DPP10: variants seen among roughly 807,000 people sequenced by gnomAD.
The protein encoded by DPP10 is dipeptidyl peptidase like 10, also known as inactive dipeptidyl peptidase 10.
DPP10 carries 33 observed loss-of-function variants against 120.9 expected under a neutral mutation model. That is an observed-to-expected ratio of 0.27 (90% CI 0.21 to 0.37). DPP10 has a LOEUF of 0.37. Among genes scored for constraint, DPP10 ranks in the 10% least tolerant of loss-of-function variants. DPP10 has a pLI of 1.00. For synonymous variants in DPP10, 337 were observed against 326.1 expected (o/e 1.03, Z -0.36); for missense variants, 816 against 942.8 (o/e 0.87, Z 1.76).
At chr2:114,864,377 A>G (rs573405067) in intron 1 of DPP10, among the ~76,000 whole-genome samples, 5 of 152,330 alleles carry the variant, frequency 3.3e-5, no homozygotes, top group East Asian at 1.9e-4. Flanking sequence ...CCTGAAGACT[A>G]TGAATGGAGA....
intron 1 of DPP10, among the ~76,000 whole-genome samples, chr2:115,166,714 T>C (rs1363163618): frequency 6.6e-6 from 1 of 151,614 alleles, no homozygotes; most frequent in Non-Finnish European, 1.5e-5. Context: ...GATTAAATTA[T>C]ATAAAACAAC....
chr2:115,842,047 A>G (rs970717439), intron 25 of DPP10, among the ~76,000 whole-genome samples, 164 bp from the exon 26 acceptor site: 2 of 152,196 alleles, frequency 1.3e-5, no homozygotes, highest in African/African-American at 4.8e-5. Context: ...ACATGATTAC[A>G]ATTGTTTTAA....
At chr2:115,788,920 C>T (rs1221083881) in intron 17 of DPP10, among the ~76,000 whole-genome samples, 6 of 151,984 alleles carry the variant, frequency 3.9e-5, no homozygotes, top group Admixed American at 3.3e-4. Context: ...AGATCGAGAC[C>T]ATCCTGGCTA....
At chr2:115,022,646 A>T (rs1385121628) in intron 1 of DPP10, among the ~76,000 whole-genome samples, 1 of 152,082 alleles carries the variant, frequency 6.6e-6, no homozygotes, top group Non-Finnish European at 1.5e-5. Context: ...ACTAGAAAAA[A>T]CAACCCTAAA....
chr2:115,361,775 A>C (rs1417305744), intron 3 of DPP10, among the ~76,000 whole-genome samples: 1 of 150,580 alleles, frequency 6.6e-6, no homozygotes, highest in East Asian at 2.0e-4. Context: ...CTCCCTCTTC[A>C]TCCTCAGTGT....
chr2:115,480,057 G>A (rs1035557444), intron 3 of DPP10, among the ~76,000 whole-genome samples: 6 of 152,072 alleles, frequency 3.9e-5, no homozygotes, highest in African/African-American at 1.4e-4. Flanking sequence ...CCATAACCAG[G>A]TCGGGTGTGT....
intron 1 of DPP10, among the ~76,000 whole-genome samples, chr2:115,177,712 A>G (rs1311268091): frequency 6.6e-6 from 1 of 152,172 alleles, no homozygotes; most frequent in African/African-American, 2.4e-5. Flanking sequence ...GTTAGCAGAC[A>G]TGTTTATTTT....
intron 7 of DPP10, among the ~76,000 whole-genome samples, chr2:115,694,582 T>C (rs1399426769): frequency 6.6e-6 from 1 of 152,190 alleles, no homozygotes; most frequent in Non-Finnish European, 1.5e-5. Flanking sequence ...ACTTTAGCTG[T>C]AATAAAGTTT....
intron 1 of DPP10, among the ~76,000 whole-genome samples, chr2:115,173,403 TAAC>T (rs932380346): frequency 6.6e-6 from 1 of 152,268 alleles, no homozygotes; most frequent in Admixed American, 6.5e-5. Context: ...ATGTGCAGCA[TAAC>T]AAGCCCATAA....
intron 1 of DPP10, among the ~76,000 whole-genome samples, chr2:114,710,933 G>T (rs1412693915): frequency 6.6e-6 from 1 of 152,076 alleles, no homozygotes; most frequent in Non-Finnish European, 1.5e-5. Context: ...CAACAGCAGG[G>T]GTTAGGATTT....
rs563718348 is a variant in DPP10 at position 115,663,074 on chromosome 2, C to T, written c.442-26613C>T. On this transcript the variant is annotated intron_variant, in intron 5 of 25. Coordinates refer to ENST00000410059, the MANE Select transcript of DPP10 (RefSeq NM_020868.6). ...GGCACATGAGATGTTTTGATACAAG[C>T]ATGCGGTGTGAAATAAGCACATCAT... is the stretch of plus-strand genomic sequence containing the variant. Among the ~76,000 whole-genome samples, 68 of 152,040 alleles carry T rather than the reference C, an allele frequency of 4.5e-4. 2 individuals carry two copies. The highest frequency in any genetic ancestry group is 9.3e-4 in the Non-Finnish European group (63 of 68,000).
intron 5 of DPP10, among the ~76,000 whole-genome samples, chr2:115,686,496 T>A (rs2090996428): frequency 6.6e-6 from 1 of 152,082 alleles, no homozygotes; most frequent in African/African-American, 2.4e-5. Flanking sequence ...CAGTAGTTGC[T>A]AATTCAGTGT....
At chr2:115,453,927 T>C (rs1272254542) in intron 3 of DPP10, among the ~76,000 whole-genome samples, 2 of 151,372 alleles carry the variant, frequency 1.3e-5, no homozygotes, top group African/African-American at 4.8e-5. Context: ...ATTAGGACCC[T>C]AAAGACATTT....
chr2:115,572,980 T>G (rs1316414215), intron 5 of DPP10, among the ~76,000 whole-genome samples: 1 of 152,180 alleles, frequency 6.6e-6, no homozygotes, highest in Non-Finnish European at 1.5e-5. Flanking sequence ...TGCTTATTGC[T>G]TCAGCTGTTT....
chr2:115,214,741 A>T (rs984750883), intron 1 of DPP10, among the ~76,000 whole-genome samples: 2 of 152,184 alleles, frequency 1.3e-5, no homozygotes, highest in African/African-American at 2.4e-5. Flanking sequence ...TAAGGAATGT[A>T]AAAGTTAGCC....
At chr2:114,738,832 C>T (rs1049705914) in intron 1 of DPP10, among the ~76,000 whole-genome samples, 1 of 152,130 alleles carries the variant, frequency 6.6e-6, no homozygotes, top group African/African-American at 2.4e-5. Context: ...TGGTAATTGT[C>T]CTGGAATCCT....
intron 3 of DPP10, among the ~76,000 whole-genome samples, chr2:115,382,353 A>T (rs539515178): frequency 6.6e-6 from 1 of 152,170 alleles, no homozygotes; most frequent in Non-Finnish European, 1.5e-5. Context: ...TTCTTTGACT[A>T]GGAAAGGGAA....
At chr2:114,904,625 A>G (rs1027480437) in intron 1 of DPP10, among the ~76,000 whole-genome samples, 1 of 152,244 alleles carries the variant, frequency 6.6e-6, no homozygotes, top group African/African-American at 2.4e-5. Flanking sequence ...GTGTGACTGG[A>G]CTATCACTTG....
chr2:115,636,111 A>G (rs543490254), intron 5 of DPP10, among the ~76,000 whole-genome samples: 2 of 151,688 alleles, frequency 1.3e-5, no homozygotes, highest in South Asian at 4.2e-4. Context: ...GTTTTGTGGT[A>G]TTCTTACCAA....
Sources: allele counts gnomAD v4.1 joint callset (sites outside exome capture counted in the v4.1 genomes callset), GRCh38; gene constraint gnomAD v4.1.1; transcripts MANE v1.5; gene names NCBI Gene and HGNC (gene_info 2026-07-23, HGNC 2026-07-21).